The following HMOX2 variants were observed in gnomAD, a reference collection of about 807,000 sequenced individuals.
The protein encoded by HMOX2 is heme oxygenase (decycling) 2.
A neutral mutation model predicts 33.7 loss-of-function variants in HMOX2; 30 were observed. That is an observed-to-expected ratio of 0.89 (90% CI 0.67 to 1.21). HMOX2 has a LOEUF of 1.21. Among genes scored for constraint, HMOX2 ranks in the 50% most tolerant of loss-of-function variants. The pLI, the probability that HMOX2 is intolerant of heterozygous loss-of-function variation, is 0.00. For synonymous variants in HMOX2, 155 were observed against 155.0 expected, an observed-to-expected ratio of 1.00 and a Z score of 0.00; for missense variants, 403 against 399.1, an observed-to-expected ratio of 1.01 and a Z score of -0.08.
At chr16:4,500,400 T>C (rs756372646) in intron 1 of HMOX2, among the ~76,000 whole-genome samples, 2 of 152,168 alleles carry the variant, frequency 1.3e-5, no homozygotes, top group African/African-American at 2.4e-5. Flanking sequence ...GTTCATGTTG[T>C]GGGCATCTCA....
In HMOX2 at chr16:4,508,161, G is replaced by A; in HGVS notation, c.653G>A (p.Arg218Lys). The A allele has an allele frequency of 6.2e-7, 1 of 1,613,238 alleles. No homozygotes were observed. The highest frequency in any genetic ancestry group is 8.5e-7 in the Non-Finnish European group (1 of 1,179,594). The change falls in exon 4 of 6, where the codon AGG (arginine) becomes AAG (lysine). Residue 218 changes from arginine (R) to lysine (K), a missense_variant. Transcript: ENST00000570646. ...GACCTGAACATGAAGACCAAAGAGA[G>A]GATCGTGGAGGAGGCCAACAAGGCT... ...ALDLNMKTKE[R>K]IVEEANKAFE...
intron 1 of HMOX2, among the ~76,000 whole-genome samples, chr16:4,493,406 A>G (rs1462300926): frequency 6.6e-6 from 1 of 152,224 alleles, no homozygotes; most frequent in African/African-American, 2.4e-5. Context: ...AATCAGCACC[A>G]TATGATGTCA....
At chr16:4,483,863 C>T (rs2058094655) in intron 1 of HMOX2, 1 of 152,134 alleles carries the variant, frequency 6.6e-6, no homozygotes, top group African/African-American at 2.4e-5. Flanking sequence ...CTGCCCACCT[C>T]AGCCTCCTGA....
At chr16:4,474,905 G>C (rs978657759), upstream of HMOX2, 1 of 152,124 alleles carries the variant, frequency 6.6e-6, no homozygotes, top group African/African-American at 2.4e-5. Flanking sequence ...ATCCCTTGAG[G>C]CCTTGTCCGC....
rs963066120 is a variant in HMOX2, at chr16:4,510,292, C to T, written c.*536C>T. ...CGGTTTGCTCAGCCCCAGCTTATCTCCTCCTCCGCGCTGTGTAAATGCTCC... is the reference window on the plus strand; with the variant it reads ...CGGTTTGCTCAGCCCCAGCTTATCTTCTCCTCCGCGCTGTGTAAATGCTCC... On this transcript the variant is annotated 3_prime_UTR_variant, in exon 6 of 6. Transcript: ENST00000570646. 17 of 162,466 alleles carry T rather than the reference C, an allele frequency of 1.0e-4. No homozygotes were observed. The highest frequency in any genetic ancestry group is 1.8e-4 in the Admixed American group (3 of 16,374). 10.1% of individuals were successfully genotyped at this position (162,466 alleles called of 1,614,324 possible). A position where few individuals can be genotyped will look rare whatever the true frequency, so the allele number is the denominator to read the frequency against.
At chr16:4,495,833 G>T (rs574737999) in intron 1 of HMOX2, 1 of 152,162 alleles carries the variant, frequency 6.6e-6, no homozygotes, top group Non-Finnish European at 1.5e-5. Context: ...CTTTGGTATA[G>T]GGATGCTCTG....
At chr16:4,508,904 G>A (rs2058760273) in intron 4 of HMOX2, among the ~76,000 whole-genome samples, 1 of 152,122 alleles carries the variant, frequency 6.6e-6, no homozygotes, top group Non-Finnish European at 1.5e-5. Flanking sequence ...CAGCCTTCTT[G>A]GGGTACCAAT....
intron 4 of HMOX2, 21 bp from the exon 5 acceptor site, chr16:4,509,390 AG>A (rs1197114496): frequency 5.0e-6 from 8 of 1,607,156 alleles, no homozygotes; most frequent in Non-Finnish European, 6.8e-6. Flanking sequence ...AAGATGGCTC[AG>A]TCGATCCTCT....
upstream of HMOX2, among the ~76,000 whole-genome samples, chr16:4,475,172 C>G (rs1340457091): frequency 6.6e-6 from 1 of 151,812 alleles, no homozygotes; most frequent in Non-Finnish European, 1.5e-5. Context: ...AGGCAGGTCT[C>G]GAACTCCTGA....
intron 1 of HMOX2, among the ~76,000 whole-genome samples, chr16:4,487,704 G>T (rs2058205493): frequency 6.6e-6 from 1 of 152,026 alleles, no homozygotes; most frequent in African/African-American, 2.4e-5. Flanking sequence ...GGAGGCTGAG[G>T]TGGGAGAATG....
intron 1 of HMOX2, chr16:4,495,890 C>T (rs1320187951): frequency 6.6e-6 from 1 of 152,214 alleles, no homozygotes; most frequent in Admixed American, 6.5e-5. Flanking sequence ...GTCTGATTGC[C>T]TCTTTTCAGG....
rs140883413 is a variant in HMOX2 at position 4,487,308 on chromosome 16, C to G, written c.-42+10821C>G. 2.0e-3 allele frequency among the ~76,000 whole-genome samples: 310 copies of G among 152,142 alleles called. 4 individuals carry two copies. Among genetic ancestry groups the G allele is most frequent in the African/African-American group, 7.3e-3 (301 of 41,510 alleles). On this transcript the variant is annotated intron_variant, in intron 1 of 5. Transcript: ENST00000570646. The stretch of plus-strand genomic sequence containing the variant: ...GTGGCTCAGGCCTGTAATCCCAGCA[C>G]TTTGGGAAGCCTAGGTGGGCGGATC...
At chr16:4,490,680 G>A (rs2141555191) in intron 1 of HMOX2, among the ~76,000 whole-genome samples, 1 of 152,330 alleles carries the variant, frequency 6.6e-6, no homozygotes, top group African/African-American at 2.4e-5. Context: ...GCAGTGCCAA[G>A]CTGCCTCTAA....
At chr16:4,502,573 C>T (rs979782307) in intron 1 of HMOX2, among the ~76,000 whole-genome samples, 4 of 152,124 alleles carry the variant, frequency 2.6e-5, no homozygotes, top group African/African-American at 9.7e-5. Flanking sequence ...GGACCCTTTA[C>T]TGCACCCCTC....
intron 1 of HMOX2, among the ~76,000 whole-genome samples, chr16:4,483,105 A>G (rs2058071620): frequency 6.6e-6 from 1 of 151,384 alleles, no homozygotes; most frequent in African/African-American, 2.4e-5. Context: ...TGAAGCTTCT[A>G]CGCCCTCTCT....
upstream of HMOX2, chr16:4,476,046 C>G (rs549580465): frequency 2.2e-4 from 34 of 152,384 alleles, no homozygotes; most frequent in African/African-American, 8.2e-4. Flanking sequence ...AGTTGAGACT[C>G]AGTTTCGCAG....
intron 1 of HMOX2, among the ~76,000 whole-genome samples, chr16:4,501,867 C>G (rs1263612356): frequency 6.6e-6 from 1 of 152,212 alleles, no homozygotes; most frequent in Non-Finnish European, 1.5e-5. Context: ...TGGCCCCAGT[C>G]TGTGGGTTGA....
At chr16:4,489,633 A>G (rs2058259004) in intron 1 of HMOX2, among the ~76,000 whole-genome samples, 1 of 151,730 alleles carries the variant, frequency 6.6e-6, no homozygotes, top group Non-Finnish European at 1.5e-5. Flanking sequence ...TAAGTTTTGT[A>G]TTTTTTGTAG....
chr16:4,502,824 T>C lies in HMOX2; in HGVS notation c.-41-2660T>C, dbSNP rs1256659330. ...ACCTCTGTCTCCCAGGCTCAAGAAA[T>C]CCTCCTACATCAGCCTCCCAAGTAG... is the stretch of plus-strand genomic sequence containing the variant. On this transcript the variant is annotated intron_variant, in intron 1 of 5. Coordinates refer to ENST00000570646, the MANE Select transcript of HMOX2 (RefSeq NM_002134.4). 3 of 152,118 alleles carry C rather than the reference T, an allele frequency of 2.0e-5. No homozygotes were observed. In the East Asian group the frequency reaches 5.8e-4, roughly 29 times the overall value. 9.4% of individuals were successfully genotyped at this position (152,118 alleles called of 1,614,324 possible).
Sources: gnomAD v4.1 joint callset for allele counts (sites outside exome capture counted in the v4.1 genomes callset) on GRCh38, gnomAD v4.1.1 for gene constraint, MANE v1.5 for transcripts, NCBI Gene and HGNC (gene_info 2026-07-23, HGNC 2026-07-21) for gene names.